RNF180: variants seen among roughly 807,000 people sequenced by gnomAD.
The protein encoded by RNF180 is ring finger protein 180, also known as E3 ubiquitin-protein ligase RNF180.
A neutral mutation model predicts 59.2 loss-of-function variants in RNF180; 38 were observed. The ratio of observed to expected loss-of-function variants is 0.64; its 90% CI spans 0.50 to 0.84. RNF180 has a LOEUF of 0.84. Among genes scored for constraint, RNF180 ranks in the 40% least tolerant of loss-of-function variants. The pLI is 0.00. For missense variants in RNF180, 705 were observed against 700.9 expected (o/e 1.01, Z -0.07); for synonymous variants, 262 against 240.3 (o/e 1.09, Z -0.84).
chr5:64,278,114 C>G (rs1741823974), intron 5 of RNF180, among the ~76,000 whole-genome samples: 2 of 152,138 alleles, frequency 1.3e-5, no homozygotes, highest in South Asian at 4.1e-4. Flanking sequence ...CATCACTCAA[C>G]TAGTTGATCT....
chr5:64,197,729 T>A (rs1170289112), intron 1 of RNF180, among the ~76,000 whole-genome samples: 2 of 152,178 alleles, frequency 1.3e-5, no homozygotes, highest in Admixed American at 1.3e-4. Flanking sequence ...TTCAGTTGTT[T>A]TAGTTGAGAG....
chr5:64,312,776 G>T (rs1393431417), intron 5 of RNF180, among the ~76,000 whole-genome samples: 1 of 152,062 alleles, frequency 6.6e-6, no homozygotes, highest in Non-Finnish European at 1.5e-5. Context: ...CATGTGTGTA[G>T]GTCTGGCTCA....
At chr5:64,294,400 A>G (rs1050513388) in intron 5 of RNF180, among the ~76,000 whole-genome samples, 7 of 152,194 alleles carry the variant, frequency 4.6e-5, no homozygotes, top group African/African-American at 1.4e-4. Flanking sequence ...ATAAAATTCT[A>G]TATTTCAAAG....
rs946107313 is a variant in RNF180 at position 64,213,895 on chromosome 5, ATTTT to A, written c.570_573del (p.Tyr190Ter). The A allele has an allele frequency of 9.9e-6, 16 of 1,614,006 alleles. No individual in the cohort carries two copies. Among genetic ancestry groups the A allele is most frequent in the Non-Finnish European group, 1.4e-5 (16 of 1,180,038 alleles). On this transcript the variant is annotated frameshift_variant, in exon 4 of 8. Coordinates refer to ENST00000389100, the MANE Select transcript of RNF180 (RefSeq NM_001113561.2). LOFTEE classifies it high-confidence loss of function. ...CTCTGCCTGGAGGTGCGACCAACAT[ATTTT>A]GAGATGAAGAACGAAAAACTGCTGT... is the stretch of plus-strand genomic sequence containing the variant.
intron 7 of RNF180, among the ~76,000 whole-genome samples, chr5:64,357,101 A>C (rs1746059334): frequency 6.6e-6 from 1 of 151,890 alleles, no homozygotes; most frequent in African/African-American, 2.4e-5. Flanking sequence ...AACTATATTG[A>C]AATTTAAGCA....
At chr5:64,297,729 C>T (rs1408701249) in intron 5 of RNF180, among the ~76,000 whole-genome samples, 1 of 151,980 alleles carries the variant, frequency 6.6e-6, no homozygotes, top group African/African-American at 2.4e-5. Context: ...GACCTGACTT[C>T]GAAGTTGAGT....
intron 5 of RNF180, among the ~76,000 whole-genome samples, chr5:64,248,685 G>GA (rs1743350263): frequency 6.6e-6 from 1 of 152,158 alleles, no homozygotes; most frequent in Non-Finnish European, 1.5e-5. Flanking sequence ...AACCATTGTG[G>GA]AAGACAGTAT....
intron 5 of RNF180, among the ~76,000 whole-genome samples, chr5:64,274,243 T>A (rs532781398): frequency 6.6e-6 from 1 of 152,028 alleles, no homozygotes; most frequent in East Asian, 1.9e-4. Flanking sequence ...ATATGTAAAA[T>A]CTCCATTTGG....
chr5:64,186,060 T>C (rs935090199), intron 1 of RNF180, among the ~76,000 whole-genome samples: 1 of 152,204 alleles, frequency 6.6e-6, no homozygotes, highest in African/African-American at 2.4e-5. Flanking sequence ...CTGCTTTTTT[T>C]TCTCCATTAT....
chr5:64,193,209 G>A (rs546929053), intron 1 of RNF180, among the ~76,000 whole-genome samples: 1 of 151,906 alleles, frequency 6.6e-6, no homozygotes, highest in East Asian at 1.9e-4. Flanking sequence ...GATCTGATGT[G>A]CAATATATTA....
intron 5 of RNF180, among the ~76,000 whole-genome samples, chr5:64,250,512 C>A (rs1743499576): frequency 6.6e-6 from 1 of 151,676 alleles, no homozygotes; most frequent in Admixed American, 6.6e-5. Flanking sequence ...ATCAACAAAC[C>A]ATTAGCTGGG....
At chr5:64,183,737 T>C (rs1435676102) in intron 1 of RNF180, among the ~76,000 whole-genome samples, 1 of 152,226 alleles carries the variant, frequency 6.6e-6, no homozygotes, top group Non-Finnish European at 1.5e-5. Flanking sequence ...CGTGAGCCAC[T>C]GTTCCCAGTC....
At chr5:64,265,386 CTTAAG>C (rs1170256064) in intron 5 of RNF180, among the ~76,000 whole-genome samples, 5 of 152,102 alleles carry the variant, frequency 3.3e-5, no homozygotes, top group Non-Finnish European at 5.9e-5. Context: ...TTTAATCCAT[CTTAAG>C]TTAATTTTTG....
intron 5 of RNF180, among the ~76,000 whole-genome samples, chr5:64,236,258 G>A (rs1348364738): frequency 6.6e-6 from 1 of 152,186 alleles, no homozygotes; most frequent in Non-Finnish European, 1.5e-5. Flanking sequence ...TGGAGTAAAG[G>A]TCACTTTTGC....
chr5:64,323,722 C>T (rs1744489382), intron 5 of RNF180, among the ~76,000 whole-genome samples: 1 of 152,090 alleles, frequency 6.6e-6, no homozygotes, highest in Non-Finnish European at 1.5e-5. Flanking sequence ...CCGTGGCTAA[C>T]ATTTTTTGAT....
chr5:64,172,474 A>C (rs1302115004), intron 1 of RNF180, among the ~76,000 whole-genome samples: 2 of 152,152 alleles, frequency 1.3e-5, no homozygotes, highest in African/African-American at 2.4e-5. Flanking sequence ...TGTAGATGGC[A>C]ATATGCAACT....
chr5:64,249,209 A>G (rs1305205700), intron 5 of RNF180, among the ~76,000 whole-genome samples: 1 of 152,222 alleles, frequency 6.6e-6, no homozygotes, highest in African/African-American at 2.4e-5. Context: ...CTATGTAACA[A>G]TCCTGCACAT....
intron 7 of RNF180, among the ~76,000 whole-genome samples, chr5:64,347,361 G>C: frequency 6.6e-6 from 1 of 152,122 alleles, no homozygotes. Flanking sequence ...TGGATATCAA[G>C]GTAGTCCCAG....
In RNF180 at chr5:64,320,144, A is replaced by C. The variant is rs1031769991; in HGVS notation, c.1228-5042A>C. 3.3e-5 allele frequency among the ~76,000 whole-genome samples: 5 copies of C among 152,214 alleles called. No individual in the cohort carries two copies. In the South Asian group the frequency reaches 6.2e-4, roughly 19 times the overall value. On this transcript the variant is annotated intron_variant, in intron 5 of 7. Coordinates refer to ENST00000389100, the MANE Select transcript of RNF180 (RefSeq NM_001113561.2). ...AGCTCTCCAGCTGATTTTGATAGGCAGTAAAGGTTTAGAGCCACAGGTGTG... is the reference window on the plus strand; with the variant it reads ...AGCTCTCCAGCTGATTTTGATAGGCCGTAAAGGTTTAGAGCCACAGGTGTG...
Sources: gnomAD v4.1 joint callset for allele counts (sites outside exome capture counted in the v4.1 genomes callset) on GRCh38, gnomAD v4.1.1 for gene constraint, MANE v1.5 for transcripts, NCBI Gene and HGNC (gene_info 2026-07-23, HGNC 2026-07-21) for gene names.